LIFR: variants seen among roughly 807,000 people sequenced by gnomAD.
LIFR encodes LIF receptor subunit alpha, also known as leukemia inhibitory factor receptor.
In LIFR, 84 loss-of-function variants were observed where a neutral mutation model predicts 122.2. The observed-to-expected ratio is 0.69, with a 90% confidence interval of 0.58 to 0.82. The LOEUF (loss-of-function observed/expected upper bound fraction) is 0.82, where lower values mean the gene tolerates loss of function less well. Ranked by LOEUF, LIFR falls within the 40% of genes least tolerant of loss-of-function variation. The pLI, the probability that LIFR is intolerant of heterozygous loss-of-function variation, is 0.00. For missense variants in LIFR, 1,294 were observed against 1,311.6 expected, an observed-to-expected ratio of 0.99 and a Z score of 0.21; for synonymous variants, 422 against 434.7, an observed-to-expected ratio of 0.97 and a Z score of 0.36.
chr5:38,546,162 T>A (rs1473569473), intron 1 of LIFR, among the ~76,000 whole-genome samples: 3 of 152,192 alleles, frequency 2.0e-5, no homozygotes, highest in Non-Finnish European at 4.4e-5. Flanking sequence ...ACAATGTAAA[T>A]GCTCAAGTTA....
intron 10 of LIFR, among the ~76,000 whole-genome samples, chr5:38,503,645 A>AATC (rs753287981): frequency 6.6e-6 from 1 of 152,204 alleles, no homozygotes; most frequent in Non-Finnish European, 1.5e-5. Flanking sequence ...AGTTTTAAAA[A>AATC]ATCACTTCTG....
chr5:38,477,659 A>G lies in LIFR; in HGVS notation c.*3936T>C, dbSNP rs1238018396. On this transcript the variant is annotated 3_prime_UTR_variant, in exon 20 of 20. Transcript: ENST00000453190. ...ACTCAAACCGTGGAGTCACTTCCGA[A>G]GTAGATTTGAATCTTTGAGTCAATA... 4.6e-6 allele frequency: 1 copy of G among 215,336 alleles called. No homozygotes were observed. The highest frequency in any genetic ancestry group is 2.3e-5 in the African/African-American group (1 of 44,360). 13.3% of individuals were successfully genotyped at this position (215,336 alleles called of 1,614,324 possible).
At chr5:38,554,926 G>T (rs1748433773) in intron 1 of LIFR, 1 of 152,164 alleles carries the variant, frequency 6.6e-6, no homozygotes, top group South Asian at 2.1e-4. Flanking sequence ...TCCTTCAACA[G>T]CAGAGTCCCT....
At position 38,499,494 on chromosome 5, in the gene LIFR, A is replaced by G; in HGVS notation, c.1671+19T>C. The stretch of plus-strand genomic sequence containing the variant: ...TTAGCAAAGTAATGTAAATGTTCAC[A>G]GAAAAATTAGATATTTACCTTCCAA... On this transcript the variant is annotated intron_variant, in intron 12 of 19. Transcript: ENST00000453190. 1 of 1,507,850 alleles carries G rather than the reference A, an allele frequency of 6.6e-7. No individual in the cohort carries two copies. Among genetic ancestry groups the G allele is most frequent in the Non-Finnish European group, 9.2e-7 (1 of 1,083,230 alleles). 93.4% of individuals were successfully genotyped at this position (1,507,850 alleles called of 1,614,324 possible). A position where few individuals can be genotyped will look rare whatever the true frequency, so the allele number is the denominator to read the frequency against.
chr5:38,543,186 G>C (rs1342366845), intron 1 of LIFR, among the ~76,000 whole-genome samples: 4 of 151,896 alleles, frequency 2.6e-5, no homozygotes, highest in Non-Finnish European at 4.4e-5. Context: ...AATGATACTA[G>C]ATACTACCCT....
chr5:38,577,819 G>C (rs1250051669), intron 1 of LIFR, among the ~76,000 whole-genome samples: 1 of 152,150 alleles, frequency 6.6e-6, no homozygotes, highest in South Asian at 2.1e-4. Flanking sequence ...TTAGAATCAG[G>C]CTTTTTGAAC....
chr5:38,598,247 T>A (rs1235661290), upstream of LIFR, among the ~76,000 whole-genome samples: 31 of 66,900 alleles, frequency 4.6e-4, 1 homozygote, highest in East Asian at 1.3e-3. Context: ...ATTTATTTAT[T>A]TTTTTTTTTT....
intron 1 of LIFR, among the ~76,000 whole-genome samples, chr5:38,547,035 T>C (rs575513662): frequency 6.6e-6 from 1 of 152,286 alleles, no homozygotes; most frequent in East Asian, 1.9e-4. Context: ...TCATACAGTG[T>C]TTCTTTGTGA....
chr5:38,556,706 C>CGCCCCTGACCCGCCCCT (rs1748584815), upstream of LIFR: 1 of 145,114 alleles, frequency 6.9e-6, no homozygotes, highest in Admixed American at 6.8e-5. Flanking sequence ...GGCCCGGCCC[C>CGCCCCTGACCCGCCCCT]GCCCCTGACC....
At chr5:38,532,980 C>A (rs1186150972) in intron 1 of LIFR, among the ~76,000 whole-genome samples, 1 of 152,144 alleles carries the variant, frequency 6.6e-6, no homozygotes, top group African/African-American at 2.4e-5. Context: ...TATGCAGGGG[C>A]AAAGCAAGTA....
chr5:38,484,013 C>G (rs1204209570), intron 18 of LIFR, among the ~76,000 whole-genome samples: 1 of 152,170 alleles, frequency 6.6e-6, no homozygotes, highest in Non-Finnish European at 1.5e-5. Flanking sequence ...TCACTCATTC[C>G]TGTTTCACCA....
At chr5:38,563,618 T>C (rs1276889113) in intron 1 of LIFR, among the ~76,000 whole-genome samples, 2 of 152,198 alleles carry the variant, frequency 1.3e-5, no homozygotes, top group South Asian at 2.1e-4. Context: ...GAATTCATAA[T>C]CACTAGAAAA....
chr5:38,594,955 T>C (rs537738418), intron 1 of LIFR: 15 of 197,022 alleles, frequency 7.6e-5, no homozygotes, highest in Non-Finnish European at 1.3e-4. Flanking sequence ...TACAACTGTA[T>C]ACAGTGACCA....
intron 1 of LIFR, among the ~76,000 whole-genome samples, chr5:38,571,146 A>G (rs1749195555): frequency 1.3e-5 from 2 of 152,212 alleles, no homozygotes; most frequent in Non-Finnish European, 2.9e-5. Context: ...TCATCAGCCA[A>G]AGGTTAAATA....
chr5:38,511,224 C>T (rs1745783665), intron 6 of LIFR, among the ~76,000 whole-genome samples: 1 of 152,186 alleles, frequency 6.6e-6, no homozygotes, highest in African/African-American at 2.4e-5. Flanking sequence ...ATCTAGTCCC[C>T]TTCCTTCCTC....
intron 14 of LIFR, chr5:38,490,558 T>TAC (rs1744531356): frequency 5.1e-6 from 1 of 196,480 alleles, no homozygotes; most frequent in Admixed American, 6.0e-5. Context: ...ATTTAAGGCT[T>TAC]ACATTTTGTT....
rs1317626421 is a variant in LIFR at position 38,476,404 on chromosome 5, T to G, written c.*5191A>C. 4.8e-6 allele frequency: 1 copy of G among 208,830 alleles called. No individual in the cohort carries two copies. The highest frequency in any genetic ancestry group is 9.7e-6 in the Non-Finnish European group (1 of 102,590). 12.9% of individuals were successfully genotyped at this position (208,830 alleles called of 1,614,324 possible). A position where few individuals can be genotyped will look rare whatever the true frequency, so the allele number is the denominator to read the frequency against. On this transcript the variant is annotated 3_prime_UTR_variant, in exon 20 of 20. Transcript: ENST00000453190. ...AAGTTACCCATTTAAAATGGAATAA[T>G]TCTTAACGGAAGTACACTTTAAATG...
upstream of LIFR, among the ~76,000 whole-genome samples, chr5:38,599,545 G>A (rs991052417): frequency 2.0e-5 from 3 of 152,156 alleles, no homozygotes; most frequent in African/African-American, 4.8e-5. Context: ...AGCTGTGAGA[G>A]TGAATGAAAT....
intron 12 of LIFR, 101 bp from the exon 13 acceptor site, chr5:38,496,696 G>A: frequency 2.3e-6 from 2 of 870,256 alleles, no homozygotes; most frequent in Non-Finnish European, 3.8e-6. Context: ...CAATAACAAG[G>A]TTGGCCAGGC....
Sources: allele counts gnomAD v4.1 joint callset (sites outside exome capture counted in the v4.1 genomes callset), GRCh38; gene constraint gnomAD v4.1.1; transcripts MANE v1.5; gene names NCBI Gene and HGNC (gene_info 2026-07-23, HGNC 2026-07-21).